MAF: variants seen among roughly 807,000 people sequenced by gnomAD.
MAF encodes MAF bZIP transcription factor.
MAF carries 10 observed loss-of-function variants against 22.0 expected under a neutral mutation model. The ratio of observed to expected loss-of-function variants is 0.45; its 90% CI spans 0.28 to 0.77. MAF has a LOEUF of 0.77. Ranked by LOEUF, MAF falls within the 30% of genes least tolerant of loss-of-function variation. The pLI is 0.12. For synonymous variants in MAF, 337 were observed against 255.8 expected (o/e 1.32, Z -3.03); for missense variants, 544 against 548.4 (o/e 0.99, Z 0.08).
chr16:79,332,800 G>C, the MAF span, among the ~76,000 whole-genome samples: 1 of 152,214 alleles, frequency 6.6e-6, no homozygotes, highest in South Asian at 2.1e-4. Context: ...GTTAGGCTTT[G>C]AGGGTGACTA....
At chr16:79,581,377 T>C (rs2143663148), downstream of MAF, among the ~76,000 whole-genome samples, 1 of 151,818 alleles carries the variant, frequency 6.6e-6, no homozygotes, top group Admixed American at 6.6e-5. Context: ...CAACAAAAGG[T>C]CTCTATTTTG....
chr16:79,236,113 A>G, the MAF span, among the ~76,000 whole-genome samples: 3 of 152,056 alleles, frequency 2.0e-5, no homozygotes, highest in Non-Finnish European at 4.4e-5. Flanking sequence ...GTGGGCTTCC[A>G]CAGCTAGAAG....
At chr16:79,349,560 C>A in the MAF span, among the ~76,000 whole-genome samples, 1 of 152,172 alleles carries the variant, frequency 6.6e-6, no homozygotes, top group Non-Finnish European at 1.5e-5. Flanking sequence ...CCAGACTGAC[C>A]TGGGTCTGCT....
the MAF span, among the ~76,000 whole-genome samples, chr16:79,363,353 C>A: frequency 2.6e-5 from 4 of 152,300 alleles, no homozygotes; most frequent in South Asian, 8.3e-4. Flanking sequence ...ATTTAATACA[C>A]CTAACTTAGC....
chr16:79,219,459 G>C, the MAF span, among the ~76,000 whole-genome samples: 1 of 150,850 alleles, frequency 6.6e-6, no homozygotes, highest in Non-Finnish European at 1.5e-5. Flanking sequence ...GCTGAGGCAG[G>C]AGAATGGCGT....
At chr16:79,399,335 ATAT>A in the MAF span, among the ~76,000 whole-genome samples, 1 of 152,248 alleles carries the variant, frequency 6.6e-6, no homozygotes, top group Non-Finnish European at 1.5e-5. Flanking sequence ...AATTATTATT[ATAT>A]CATCATCATC....
the MAF span, among the ~76,000 whole-genome samples, chr16:79,404,292 T>A: frequency 6.6e-6 from 1 of 150,646 alleles, no homozygotes; most frequent in Non-Finnish European, 1.5e-5. Flanking sequence ...GCCTCCGGAG[T>A]AGCTGGGACT....
chr16:79,598,888 G>A lies in MAF; in HGVS notation c.1015C>T (p.Arg339Cys), dbSNP rs1207439564. 2 of 1,613,712 alleles carry A rather than the reference G, an allele frequency of 1.2e-6. No individual in the cohort carries two copies. The highest frequency in any genetic ancestry group is 8.5e-7 in the Non-Finnish European group (1 of 1,179,974). The change falls in exon 1 of 2, where the codon CGC (arginine) becomes TGC (cysteine). Residue 339 changes from arginine (R) to cysteine (C), a missense_variant. This residue lies in a region of MAF where 129 missense variants were observed against 113.6 expected (regional missense o/e 1.14). Coordinates refer to ENST00000326043, the MANE Select transcript of MAF (RefSeq NM_005360.5). ...HLKQEISRLV[R>C]ERDAYKEKYE... is the part of the protein sequence containing the mutation. ...TTCTCCTTGTACGCGTCCCTCTCGC[G>A]CACCAGCCTGGAGATCTCCTGCTTG... is the stretch of plus-strand genomic sequence containing the variant.
the MAF span, chr16:79,203,329 C>A: frequency 6.6e-6 from 1 of 152,176 alleles, no homozygotes; most frequent in Admixed American, 6.5e-5. Context: ...GTATGGAAAT[C>A]CACACACCTA....
chr16:79,535,869 CT>C, the MAF span, among the ~76,000 whole-genome samples: 10 of 152,144 alleles, frequency 6.6e-5, no homozygotes, highest in African/African-American at 2.2e-4. Flanking sequence ...CCACACCCGG[CT>C]GCATTGCTAC....
chr16:79,244,670 C>G, the MAF span, among the ~76,000 whole-genome samples: 1 of 152,000 alleles, frequency 6.6e-6, no homozygotes, highest in Non-Finnish European at 1.5e-5. Context: ...TCAGTGCTAT[C>G]CCCATCAAGC....
the MAF span, among the ~76,000 whole-genome samples, chr16:79,554,824 T>C: frequency 6.6e-6 from 1 of 152,196 alleles, no homozygotes; most frequent in African/African-American, 2.4e-5. Context: ...GGCCTCTCTG[T>C]CTACCTCTCT....
intron 1 of MAF, chr16:79,596,691 A>G: frequency 1.9e-6 from 2 of 1,039,270 alleles, no homozygotes; most frequent in Non-Finnish European, 1.2e-6. Context: ...TTTCTTTTTA[A>G]AGACAGGATG....
the MAF span, among the ~76,000 whole-genome samples, chr16:79,412,691 G>C: frequency 6.6e-6 from 1 of 152,200 alleles, no homozygotes; most frequent in Non-Finnish European, 1.5e-5. Context: ...CGCAGTTCCT[G>C]TAGATAGGCT....
downstream of MAF, among the ~76,000 whole-genome samples, chr16:79,582,740 T>G (rs1912598539): frequency 6.6e-6 from 1 of 152,232 alleles, no homozygotes; most frequent in African/African-American, 2.4e-5. Context: ...TGCCAACAGA[T>G]ATATTGATGT....
chr16:79,259,209 C>A, the MAF span, among the ~76,000 whole-genome samples: 1 of 152,148 alleles, frequency 6.6e-6, no homozygotes, highest in African/African-American at 2.4e-5. Context: ...CCCTTCCTGG[C>A]TCTGCTCAGT....
At chr16:79,207,125 C>T in the MAF span, among the ~76,000 whole-genome samples, 15 of 152,296 alleles carry the variant, frequency 9.8e-5, no homozygotes, top group African/African-American at 3.4e-4. Context: ...CCATCTATTC[C>T]ACCTGTGACA....
the MAF span, among the ~76,000 whole-genome samples, chr16:79,460,570 TA>T: frequency 3.2e-4 from 48 of 152,268 alleles, no homozygotes; most frequent in South Asian, 8.3e-4. Context: ...CAATTAGGGA[TA>T]AAAAAATCCA....
chr16:79,386,668 A>G, the MAF span, among the ~76,000 whole-genome samples: 1 of 152,144 alleles, frequency 6.6e-6, no homozygotes, highest in Non-Finnish European at 1.5e-5. Context: ...CGCAGATTGT[A>G]AAGCATGATG....
Sources: allele counts gnomAD v4.1 joint callset (sites outside exome capture counted in the v4.1 genomes callset), GRCh38; gene constraint gnomAD v4.1.1; regional missense constraint gnomAD v4.1.1; transcripts MANE v1.5; gene names NCBI Gene and HGNC (gene_info 2026-07-23, HGNC 2026-07-21).